The following GLI3 variants were observed in gnomAD, a reference collection of about 807,000 sequenced individuals.
GLI3 encodes the protein transcription activator GLI3.
A neutral mutation model predicts 100.8 loss-of-function variants in GLI3; 20 were observed. That is an observed-to-expected ratio of 0.20 (90% CI 0.14 to 0.29). GLI3 has a LOEUF of 0.29. GLI3 is among the 10% of genes least tolerant of loss of function. The probability of loss-of-function intolerance (pLI) is 1.00; values close to 1 mark genes in which losing one functional copy is unlikely to be tolerated. For synonymous variants in GLI3, 938 were observed against 860.5 expected (o/e 1.09, Z -1.58); for missense variants, 2,040 against 2,128.5 (o/e 0.96, Z 0.82).
chr7:42,217,669 T>C (rs769297053), intron 2 of GLI3, among the ~76,000 whole-genome samples: 4 of 152,250 alleles, frequency 2.6e-5, no homozygotes, highest in Admixed American at 6.5e-5. Flanking sequence ...ACTTTGTTTT[T>C]TTTAATCCAT....
At chr7:42,253,235 G>T (rs1259904798) in intron 1 of GLI3, among the ~76,000 whole-genome samples, 2 of 152,186 alleles carry the variant, frequency 1.3e-5, no homozygotes, top group Non-Finnish European at 2.9e-5. Context: ...TGTGCCCCTG[G>T]TGCACCTGGA....
At chr7:41,988,112 G>A (rs1787879595) in intron 10 of GLI3, among the ~76,000 whole-genome samples, 1 of 152,162 alleles carries the variant, frequency 6.6e-6, no homozygotes, top group Non-Finnish European at 1.5e-5. Context: ...TGGTCTGAAT[G>A]TGTCACCCCT....
In GLI3 at chr7:41,972,264, G is replaced by T; in HGVS notation, c.2103+73C>A. 1 of 1,394,030 alleles carries T rather than the reference G, an allele frequency of 7.2e-7. No homozygotes were observed. The highest frequency in any genetic ancestry group is 1.0e-6 in the Non-Finnish European group (1 of 980,970). 86.4% of individuals were successfully genotyped at this position (1,394,030 alleles called of 1,614,324 possible). A position where few individuals can be genotyped will look rare whatever the true frequency, so the allele number is the denominator to read the frequency against. ...GACACAGTGAGGACCGGGAAGTCCT[G>T]TCCCTCTATGCACCCTACCTGGCTC... On this transcript the variant is annotated intron_variant, in intron 13 of 14. Coordinates refer to ENST00000395925, the MANE Select transcript of GLI3 (RefSeq NM_000168.6). The surrounding 1 kb of genome is among the most constrained non-coding windows in gnomAD (Gnocchi z 4.4).
chr7:42,147,731 T>C lies in GLI3; in HGVS notation c.367+495A>G, dbSNP rs192081954. Among the ~76,000 whole-genome samples, 73 of 152,256 alleles carry C rather than the reference T, an allele frequency of 4.8e-4. No individual in the cohort carries two copies. The East Asian group carries it at 0.013, about 28-fold the overall frequency. On this transcript the variant is annotated intron_variant, in intron 3 of 14. Transcript: ENST00000395925. ...AAGGAAAATCTTCCATTTTAAGGAA[T>C]TTAGCACAGATTTGTTAAAAGAGGT...
chr7:42,093,802 G>C (rs1295912655), intron 3 of GLI3, among the ~76,000 whole-genome samples: 1 of 152,042 alleles, frequency 6.6e-6, no homozygotes, highest in African/African-American at 2.4e-5. Flanking sequence ...TCCTGTATGG[G>C]AGCTTTCAGA....
At chr7:42,018,191 G>A (rs561134488) in intron 10 of GLI3, among the ~76,000 whole-genome samples, 2 of 152,298 alleles carry the variant, frequency 1.3e-5, no homozygotes, top group East Asian at 3.9e-4. Context: ...TAAAGAGAAC[G>A]TGACCCTTAA....
intron 1 of GLI3, among the ~76,000 whole-genome samples, chr7:42,242,955 C>G (rs1231810052): frequency 6.6e-6 from 1 of 152,158 alleles, no homozygotes; most frequent in Non-Finnish European, 1.5e-5. Flanking sequence ...AAGCAGTGGT[C>G]ATGAGCTTGG....
rs771058377 is a variant in GLI3, at chr7:41,965,035, C to T, written c.4038G>A (p.Gly1346=). ...TGATGTGTGAGGTAGCACTAATCTG[C>T]CCAAGCATCTGCTGACCGGGGCGGC... is the stretch of plus-strand genomic sequence containing the variant. ...GAGRPGQQML[G]QISATSHINI... The change falls in exon 15 of 15, where the codon GGG becomes GGA. Residue 1346 remains glycine, a synonymous_variant. Transcript: ENST00000395925. The T allele has an allele frequency of 1.9e-6, 3 of 1,613,930 alleles. No individual in the cohort carries two copies. The South Asian group carries it at 3.3e-5, about 18-fold the overall frequency.
chr7:42,172,890 T>A (rs112210992), intron 2 of GLI3, among the ~76,000 whole-genome samples: 83 of 152,320 alleles, frequency 5.4e-4, no homozygotes, highest in African/African-American at 1.8e-3. Flanking sequence ...ATTTTACAAT[T>A]ATGAAAACAG....
intron 3 of GLI3, among the ~76,000 whole-genome samples, chr7:42,144,246 T>C (rs1460829009): frequency 6.6e-6 from 1 of 152,146 alleles, no homozygotes. Flanking sequence ...TGAGGAATCT[T>C]TGGGCAGAGG....
chr7:42,089,002 C>T (rs1398456005), intron 3 of GLI3, among the ~76,000 whole-genome samples: 1 of 152,236 alleles, frequency 6.6e-6, no homozygotes, highest in Non-Finnish European at 1.5e-5. Flanking sequence ...GAGTCCTCTC[C>T]TCCCTCTCTA....
chr7:42,263,131 G>A (rs956058686), intron 1 of GLI3, among the ~76,000 whole-genome samples: 1 of 152,160 alleles, frequency 6.6e-6, no homozygotes, highest in African/African-American at 2.4e-5. Flanking sequence ...CTGGCAACTT[G>A]AGAACAGCAG....
At chr7:41,971,171 T>A (rs1583739873) in intron 13 of GLI3, among the ~76,000 whole-genome samples, 1 of 152,218 alleles carries the variant, frequency 6.6e-6, no homozygotes, top group Non-Finnish European at 1.5e-5. Context: ...GTGCATTATT[T>A]CCCACCCACA....
chr7:41,997,023 A>T (rs1441520645), intron 10 of GLI3, among the ~76,000 whole-genome samples: 1 of 152,156 alleles, frequency 6.6e-6, no homozygotes, highest in Non-Finnish European at 1.5e-5. Context: ...TGGGATTTTT[A>T]TTTCTTCATA....
chr7:42,130,819 C>T (rs1176814531), intron 3 of GLI3, among the ~76,000 whole-genome samples: 1 of 152,068 alleles, frequency 6.6e-6, no homozygotes, highest in African/African-American at 2.4e-5. Flanking sequence ...TAAATTAAAA[C>T]ACATCTAGGT....
chr7:42,098,918 C>T (rs1352673629), intron 3 of GLI3, among the ~76,000 whole-genome samples: 3 of 152,084 alleles, frequency 2.0e-5, no homozygotes, highest in Non-Finnish European at 4.4e-5. Context: ...CATAAGCTTG[C>T]GTGGGTAGAA....
upstream of GLI3, among the ~76,000 whole-genome samples, chr7:42,241,366 T>C (rs1788923231): frequency 6.6e-6 from 1 of 152,192 alleles, no homozygotes; most frequent in Non-Finnish European, 1.5e-5. Flanking sequence ...GGTTTCCTCC[T>C]GCCCACTCTG....
chr7:42,187,593 A>C (rs1787742493), intron 2 of GLI3, among the ~76,000 whole-genome samples: 2 of 152,222 alleles, frequency 1.3e-5, no homozygotes. Context: ...ATTCATATCC[A>C]CCAAGGACCT....
At chr7:42,144,283 A>G (rs776188700) in intron 3 of GLI3, among the ~76,000 whole-genome samples, 3 of 152,176 alleles carry the variant, frequency 2.0e-5, no homozygotes, top group Non-Finnish European at 4.4e-5. Flanking sequence ...TGACTCTGAT[A>G]CAAGATCAGG....
Sources: allele counts gnomAD v4.1 joint callset (sites outside exome capture counted in the v4.1 genomes callset), GRCh38; gene constraint gnomAD v4.1.1; non-coding constraint Gnocchi (gnomAD v3.1); transcripts MANE v1.5; gene names NCBI Gene and HGNC (gene_info 2026-07-23, HGNC 2026-07-21).